The following ANAPC16 variants were observed in gnomAD, a reference collection of about 807,000 sequenced individuals.
ANAPC16 encodes the protein anaphase-promoting complex subunit 16.
Under a neutral mutation model 13.1 loss-of-function variants are expected in ANAPC16, and 6 were observed. The ratio of observed to expected loss-of-function variants is 0.46; its 90% confidence interval spans 0.25 to 0.90. The LOEUF (loss-of-function observed/expected upper bound fraction) is 0.90. Ranked by LOEUF, ANAPC16 falls within the 40% of genes least tolerant of loss-of-function variation. The probability of loss-of-function intolerance (pLI) is 0.18; values close to 1 mark genes in which losing one functional copy is unlikely to be tolerated. For synonymous variants in ANAPC16, 55 were observed against 51.3 expected, an observed-to-expected ratio of 1.07 and a Z score of -0.31; for missense variants, 113 against 131.1, an observed-to-expected ratio of 0.86 and a Z score of 0.67.
Position 72,233,186 on chromosome 10 carries a change from A to G in ANAPC16, c.*70A>G, listed in dbSNP as rs1398029119. 20 of 1,194,420 alleles carry G rather than the reference A, an allele frequency of 1.7e-5. No individual in the cohort carries two copies. The Admixed American group carries it at 2.2e-4, about 13-fold the overall frequency. The allele number at this position is 1,194,420 out of a possible 1,614,324, so 74.0% of individuals were successfully genotyped here. A position where few individuals can be genotyped will look rare whatever the true frequency, so the allele number is the denominator to read the frequency against. On this transcript the variant is annotated 3_prime_UTR_variant, in exon 4 of 4. Coordinates refer to ENST00000299381, the MANE Select transcript of ANAPC16 (RefSeq NM_173473.4). ...AGTGGGGGACTTTCTCACAGCTTAC[A>G]TAGCCATCCAGAGATCCACAGCTAC...
intron 2 of ANAPC16, among the ~76,000 whole-genome samples, chr10:72,228,663 C>T (rs1860199693): frequency 6.6e-6 from 1 of 152,170 alleles, no homozygotes; most frequent in African/African-American, 2.4e-5. Flanking sequence ...TAGACTGGTA[C>T]TGATACCACA....
intron 2 of ANAPC16, among the ~76,000 whole-genome samples, chr10:72,229,225 T>G (rs1564794332): frequency 6.8e-6 from 1 of 146,986 alleles, no homozygotes; most frequent in Non-Finnish European, 1.5e-5. Context: ...TTTTTCTTTT[T>G]CTCTTTTTTT....
rs765472984 is a variant in ANAPC16, at chr10:72,233,032, T to C, written c.249T>C (p.Ala83=). The change falls in exon 4 of 4, where the codon GCT becomes GCC. Residue 83 remains alanine (A), a synonymous_variant. Coordinates refer to ENST00000299381, the MANE Select transcript of ANAPC16 (RefSeq NM_173473.4). ...DQQVARMEKL[A]GLVEELEADE... ...AAGTTGCTCGGATGGAAAAACTAGC[T>C]GGTTTGGTAGAAGAGCTGGAGGCTG... 1.2e-6 allele frequency: 2 copies of C among 1,614,202 alleles called. No individual in the cohort carries two copies. The highest frequency in any genetic ancestry group is 4.5e-5 in the East Asian group (2 of 44,878).
chr10:72,232,475 C>T (rs1860347107), intron 3 of ANAPC16, among the ~76,000 whole-genome samples: 1 of 150,878 alleles, frequency 6.6e-6, no homozygotes, highest in Non-Finnish European at 1.5e-5. Context: ...ACCCACGAGG[C>T]AGAGGTTTCA....
At position 72,218,161 on chromosome 10, in the gene ANAPC16, AAAAAATATATATATATATATATATATAT is replaced by A. The variant is rs1178923445; in HGVS notation, c.-28+2025_-28+2052del. On this transcript the variant is annotated intron_variant, in intron 1 of 3. Coordinates refer to ENST00000299381, the MANE Select transcript of ANAPC16 (RefSeq NM_173473.4). ...ACTCTGTCTCAAAAAAAAAAAAAAA[AAAAAATATATATATATATATATATATAT>A]ATATATATATATATATATATATATA... Among the ~76,000 whole-genome samples, 77 of 40,388 alleles carry A rather than the reference AAAAAATATATATATATATATATATATAT, an allele frequency of 1.9e-3. 3 individuals carry two copies. Among genetic ancestry groups the A allele is most frequent in the African/African-American group, 3.5e-3 (31 of 8,856 alleles). The allele number at this position is 40,388 out of a possible 152,430, so 26.5% of individuals were successfully genotyped here.
At chr10:72,219,387 A>T (rs1314106481) in intron 1 of ANAPC16, among the ~76,000 whole-genome samples, 2 of 152,170 alleles carry the variant, frequency 1.3e-5, no homozygotes, top group East Asian at 3.8e-4. Context: ...ATATGAGTAC[A>T]ATTTGGAAAG....
At chr10:72,224,852 G>C (rs149595928) in intron 2 of ANAPC16, among the ~76,000 whole-genome samples, 9 of 152,150 alleles carry the variant, frequency 5.9e-5, no homozygotes, top group Non-Finnish European at 8.8e-5. Context: ...GCATGATGCC[G>C]TGTGGTTCTT....
At position 72,235,730 on chromosome 10, in the gene ANAPC16, G is replaced by C. The variant is rs1367184908; in HGVS notation, c.*2614G>C. On this transcript the variant is annotated 3_prime_UTR_variant, in exon 4 of 4. Coordinates refer to ENST00000299381, the MANE Select transcript of ANAPC16 (RefSeq NM_173473.4). ...TCATTTGTGTAACCATGCAGCATAG[G>C]CACTGTGTTACATCATCTTTACGCT... 6.6e-6 allele frequency: 1 copy of C among 152,134 alleles called. No homozygotes were observed. The highest frequency in any genetic ancestry group is 2.4e-5 in the African/African-American group (1 of 41,420). The allele number at this position is 152,134 out of a possible 1,614,324, so 9.4% of individuals were successfully genotyped here.
intron 3 of ANAPC16, among the ~76,000 whole-genome samples, 183 bp from the exon 4 acceptor site, chr10:72,232,818 A>G (rs1860363190): frequency 6.6e-6 from 1 of 151,824 alleles, no homozygotes; most frequent in Non-Finnish European, 1.5e-5. Flanking sequence ...ATTGGCCAGG[A>G]TGGTCTCGAT....
chr10:72,231,035 C>T (rs1490615335), intron 3 of ANAPC16, among the ~76,000 whole-genome samples: 3 of 152,194 alleles, frequency 2.0e-5, no homozygotes, highest in Non-Finnish European at 4.4e-5. Context: ...ACCTCCTGGT[C>T]TGTCTATACT....
intron 1 of ANAPC16, among the ~76,000 whole-genome samples, chr10:72,222,535 G>C (rs1273540024): frequency 6.6e-6 from 1 of 151,304 alleles, no homozygotes; most frequent in African/African-American, 2.4e-5. Flanking sequence ...CCAGCACTTT[G>C]GGAGGCCAAG....
chr10:72,222,471 TAAAAA>T (rs58236784), intron 1 of ANAPC16, among the ~76,000 whole-genome samples: 1 of 139,452 alleles, frequency 7.2e-6, no homozygotes, highest in Non-Finnish European at 1.6e-5. Flanking sequence ...TGTCTCTATT[TAAAAA>T]AAAAAAAAAA....
At chr10:72,217,898 AT>A (rs78965672) in intron 1 of ANAPC16, among the ~76,000 whole-genome samples, 12,239 of 151,552 alleles carry the variant, frequency 0.081, 1,324 homozygotes, top group African/African-American at 0.24. Context: ...TGAATTTTAG[AT>A]TTTCGGATTT....
rs563672620 is a variant in ANAPC16, at chr10:72,229,318, AGTT to A, written c.143-1044_143-1042del. Among the ~76,000 whole-genome samples, 23 of 135,888 alleles carry A rather than the reference AGTT, an allele frequency of 1.7e-4. No homozygotes were observed. In the East Asian group the frequency reaches 4.8e-3, roughly 28 times the overall value. The allele number at this position is 135,888 out of a possible 152,430, so 89.1% of individuals were successfully genotyped here. ...CAAGCTCTTTGGATACAGTATCTAT[AGTT>A]GTTTTTTTTTTTAATTGGTTATTGT... On this transcript the variant is annotated intron_variant, in intron 2 of 3. Transcript: ENST00000299381.
rs758634664 is a variant in ANAPC16, at chr10:72,233,048, C to T, written c.265C>T (p.Leu89=). Residue 89 remains leucine (L), a synonymous_variant, in exon 4 of 4, where the codon CTG becomes TTG. Transcript: ENST00000299381. ...MEKLAGLVEE[L]EADEWRFKPI... is the part of the protein sequence containing the mutation. Reference sequence around the variant, plus strand: ...AAAACTAGCTGGTTTGGTAGAAGAGCTGGAGGCTGACGAGTGGCGGTTTAA... The same window carrying T: ...AAAACTAGCTGGTTTGGTAGAAGAGTTGGAGGCTGACGAGTGGCGGTTTAA... 1 of 1,614,206 alleles carries T rather than the reference C, an allele frequency of 6.2e-7. No individual in the cohort carries two copies. Among genetic ancestry groups the T allele is most frequent in the Admixed American group, 1.7e-5 (1 of 60,018 alleles).
chr10:72,224,134 T>G, intron 2 of ANAPC16, 78 bp downstream of exon 2: 7 of 1,370,740 alleles, frequency 5.1e-6, no homozygotes, highest in Non-Finnish European at 6.8e-6. Flanking sequence ...ATTAAGTGGA[T>G]TAAAGATGAG....
intron 3 of ANAPC16, among the ~76,000 whole-genome samples, chr10:72,232,679 C>T (rs1293976142): frequency 6.6e-6 from 1 of 151,046 alleles, no homozygotes; most frequent in Non-Finnish European, 1.5e-5. Context: ...TCTCGGCTCA[C>T]TGCAACCTCT....
Position 72,234,830 on chromosome 10 carries a change from T to A in ANAPC16, c.*1714T>A, listed in dbSNP as rs1014349448. ...GGACTTGGAATAGATCCCAGTTGCC[T>A]GATAATTCATCTCATTATTGCCTCT... On this transcript the variant is annotated 3_prime_UTR_variant, in exon 4 of 4. Coordinates refer to ENST00000299381, the MANE Select transcript of ANAPC16 (RefSeq NM_173473.4). 1.3e-5 allele frequency: 2 copies of A among 152,204 alleles called. No individual in the cohort carries two copies. Among genetic ancestry groups the A allele is most frequent in the African/African-American group, 4.8e-5 (2 of 41,454 alleles). The allele number at this position is 152,204 out of a possible 1,614,324, so 9.4% of individuals were successfully genotyped here.
In ANAPC16 at chr10:72,233,133, A is replaced by G; in HGVS notation, c.*17A>G. On this transcript the variant is annotated 3_prime_UTR_variant, in exon 4 of 4. Transcript: ENST00000299381. ...TCAGGTTGATACTGCCTGGATGGTC[A>G]CCTCTGGTGCGCAGCAAGTGCAAAG... The G allele has an allele frequency of 6.2e-7, 1 of 1,605,762 alleles. No homozygotes were observed. Among genetic ancestry groups the G allele is most frequent in the Non-Finnish European group, 8.5e-7 (1 of 1,172,888 alleles).
Sources: allele counts gnomAD v4.1 joint callset (sites outside exome capture counted in the v4.1 genomes callset), GRCh38; gene constraint gnomAD v4.1.1; transcripts MANE v1.5; gene names NCBI Gene and HGNC (gene_info 2026-07-23, HGNC 2026-07-21).